The following SGCD variants were observed in gnomAD, a reference collection of about 807,000 sequenced individuals.
SGCD encodes the protein delta-sarcoglycan.
SGCD carries 18 observed loss-of-function variants against 36.6 expected under a neutral mutation model. That is an observed-to-expected ratio of 0.49 (90% CI 0.34 to 0.73). The LOEUF (loss-of-function observed/expected upper bound fraction) is 0.73. Among genes scored for constraint, SGCD ranks in the 30% least tolerant of loss-of-function variants. The pLI is 0.01. For missense variants in SGCD, 387 were observed against 346.7 expected (o/e 1.12, Z -0.92); for synonymous variants, 133 against 130.6 (o/e 1.02, Z -0.12).
chr5:156,229,261 CATATATATATACATACATATATATAT>C (rs1764936079), intron 3 of SGCD, among the ~76,000 whole-genome samples: 1 of 14,028 alleles, frequency 7.1e-5, no homozygotes, highest in African/African-American at 1.5e-4. Context: ...TACATACATA[CATATATATATACATACATATATATAT>C]ATATATATAT....
At position 156,756,336 on chromosome 5, in the gene SGCD, C is replaced by T. The variant is rs546486314; in HGVS notation, c.576-1245C>T. On this transcript the variant is annotated intron_variant, in intron 7 of 8. Transcript: ENST00000337851. Reference sequence around the variant, plus strand: ...CCAAAGAGAGAAGATCACTTGAGCCCAGGAATTTGAGACCAGCCTGGGCAA... The same window carrying T: ...CCAAAGAGAGAAGATCACTTGAGCCTAGGAATTTGAGACCAGCCTGGGCAA... Among the ~76,000 whole-genome samples, 15 of 152,232 alleles carry T rather than the reference C, an allele frequency of 9.9e-5. No individual in the cohort carries two copies. The East Asian group carries it at 2.9e-3, about 29-fold the overall frequency.
At chr5:156,191,114 G>A (rs1763881583) in intron 3 of SGCD, among the ~76,000 whole-genome samples, 1 of 152,068 alleles carries the variant, frequency 6.6e-6, no homozygotes, top group Non-Finnish European at 1.5e-5. Flanking sequence ...ACGAAGTGGT[G>A]TAAAACTCTT....
chr5:155,865,133 T>TAGATA, the SGCD span, among the ~76,000 whole-genome samples: 13 of 152,102 alleles, frequency 8.5e-5, no homozygotes, highest in African/African-American at 3.1e-4. Flanking sequence ...GATAGATAGA[T>TAGATA]ATTTACTGTT....
At chr5:156,031,443 G>T (rs964923310) in intron 1 of SGCD, among the ~76,000 whole-genome samples, 1 of 152,136 alleles carries the variant, frequency 6.6e-6, no homozygotes, top group Non-Finnish European at 1.5e-5. Context: ...CACCAGGCAG[G>T]ACTTGGCATC....
In SGCD at chr5:156,292,870, A is replaced by G. The variant is rs1050438591; in HGVS notation, c.-43-36664A>G. Among the ~76,000 whole-genome samples, 5 of 151,968 alleles carry G rather than the reference A, an allele frequency of 3.3e-5. No homozygotes were observed. The East Asian group carries it at 9.6e-4, about 29-fold the overall frequency. The stretch of plus-strand genomic sequence containing the variant: ...TGATACTGATTTGGGGCATCTTTTC[A>G]TATGCTTATTGGCCATTTGTTACCT... On this transcript the variant is annotated intron_variant, in intron 3 of 9. Transcript: ENST00000517913.
At chr5:156,539,624 G>A (rs1758270464) in intron 4 of SGCD, among the ~76,000 whole-genome samples, 1 of 152,056 alleles carries the variant, frequency 6.6e-6, no homozygotes, top group African/African-American at 2.4e-5. Flanking sequence ...ATTCCATGGT[G>A]TATATATATC....
At chr5:155,876,120 A>G (rs1039752776) in intron 1 of SGCD, among the ~76,000 whole-genome samples, 6 of 150,906 alleles carry the variant, frequency 4.0e-5, no homozygotes, top group Admixed American at 3.3e-4. Flanking sequence ...ACATATGTAT[A>G]CATGTGCCAT....
At chr5:155,924,306 G>T (rs1356012429) in intron 1 of SGCD, among the ~76,000 whole-genome samples, 2 of 152,282 alleles carry the variant, frequency 1.3e-5, no homozygotes, top group Middle Eastern at 3.4e-3. Flanking sequence ...GGGGACAAAG[G>T]CACCTGAATT....
intron 3 of SGCD, among the ~76,000 whole-genome samples, chr5:156,227,330 T>C (rs377501895): frequency 1.8e-4 from 28 of 152,294 alleles, no homozygotes; most frequent in Middle Eastern, 6.8e-3. Flanking sequence ...GCTAGCCAAT[T>C]ATCTCAGCAC....
At chr5:156,549,021 A>C (rs1293637524) in intron 4 of SGCD, among the ~76,000 whole-genome samples, 1 of 152,080 alleles carries the variant, frequency 6.6e-6, no homozygotes, top group East Asian at 1.9e-4. Flanking sequence ...CACACTGCTT[A>C]GATTATGTCT....
intron 3 of SGCD, among the ~76,000 whole-genome samples, chr5:156,234,939 A>G (rs1231937658): frequency 1.3e-5 from 2 of 152,196 alleles, no homozygotes; most frequent in African/African-American, 4.8e-5. Flanking sequence ...TATTACTTGC[A>G]ACCAAAGGAG....
chr5:156,265,145 C>T (rs1765965869), intron 3 of SGCD, among the ~76,000 whole-genome samples: 1 of 152,150 alleles, frequency 6.6e-6, no homozygotes, highest in African/African-American at 2.4e-5. Context: ...CTGCATCAGT[C>T]TCTGCATTCC....
intron 3 of SGCD, among the ~76,000 whole-genome samples, chr5:156,194,869 G>A (rs1311246706): frequency 1.3e-5 from 2 of 151,920 alleles, no homozygotes; most frequent in Non-Finnish European, 2.9e-5. Context: ...AAGAACTATA[G>A]GATTATGGTG....
At chr5:155,896,676 A>G (rs978056932) in intron 1 of SGCD, among the ~76,000 whole-genome samples, 1 of 151,960 alleles carries the variant, frequency 6.6e-6, no homozygotes, top group Non-Finnish European at 1.5e-5. Flanking sequence ...TAACAATTTT[A>G]TAAAAAAATA....
the SGCD span, among the ~76,000 whole-genome samples, chr5:155,739,478 A>T: frequency 6.6e-6 from 1 of 152,222 alleles, no homozygotes; most frequent in African/African-American, 2.4e-5. Flanking sequence ...ACCATGTAAT[A>T]AAAATGAAAT....
At chr5:156,406,533 A>G (rs138692971) in intron 3 of SGCD, among the ~76,000 whole-genome samples, 78 of 151,718 alleles carry the variant, frequency 5.1e-4, no homozygotes, top group Non-Finnish European at 1.0e-3. Context: ...TGATTTCTAC[A>G]TGTGTCCTTC....
chr5:156,146,117 A>G (rs1283885718), intron 3 of SGCD, among the ~76,000 whole-genome samples: 7 of 152,090 alleles, frequency 4.6e-5, no homozygotes, highest in South Asian at 2.1e-4. Context: ...GGAGGCTGAG[A>G]CAGGAGAATG....
chr5:156,744,892 G>A (rs1308825594), intron 7 of SGCD, among the ~76,000 whole-genome samples: 1 of 152,170 alleles, frequency 6.6e-6, no homozygotes, highest in Non-Finnish European at 1.5e-5. Flanking sequence ...TGGACCTCCA[G>A]TGCAACACAG....
chr5:156,427,356 G>A (rs1011644898), intron 3 of SGCD, among the ~76,000 whole-genome samples: 1 of 152,070 alleles, frequency 6.6e-6, no homozygotes, highest in Non-Finnish European at 1.5e-5. Flanking sequence ...CGTTGTTGGT[G>A]TATAACAGTG....
Sources: allele counts gnomAD v4.1 joint callset (sites outside exome capture counted in the v4.1 genomes callset), GRCh38; gene constraint gnomAD v4.1.1; transcripts MANE v1.5; gene names NCBI Gene and HGNC (gene_info 2026-07-23, HGNC 2026-07-21).